DHDH: variants seen among roughly 807,000 people sequenced by gnomAD.
DHDH encodes trans-1,2-dihydrobenzene-1,2-diol dehydrogenase.
A neutral mutation model predicts 33.2 loss-of-function variants in DHDH; 29 were observed. The ratio of observed to expected loss-of-function variants is 0.87; its 90% CI spans 0.65 to 1.19. The LOEUF (loss-of-function observed/expected upper bound fraction) is 1.19. Among genes scored for constraint, DHDH ranks in the 50% most tolerant of loss-of-function variants. The pLI, the probability that DHDH is intolerant of heterozygous loss-of-function variation, is 0.00. For synonymous variants in DHDH, 201 were observed against 187.9 expected, an observed-to-expected ratio of 1.07 and a Z score of -0.57; for missense variants, 431 against 455.0, an observed-to-expected ratio of 0.95 and a Z score of 0.48.
Position 48,942,538 on chromosome 19 carries a change from G to A in DHDH, c.718G>A (p.Val240Met), listed in dbSNP as rs140363616. Reference protein sequence around the residue: ...ITVQLSNTASVSGTKGMVQLL... With the variant: ...ITVQLSNTASMSGTKGMVQLL... ...CGTGCAGCTCTCCAACACGGCCTCC[G>A]TGAGCGGCACCAAGGGCATGGTACA... is the stretch of plus-strand genomic sequence containing the variant. Residue 240 changes from valine to methionine, a missense_variant, in exon 5 of 7, where the codon GTG becomes ATG. Val to Met is a conservative substitution (Grantham distance 21). Transcript: ENST00000221403. 5.6e-5 allele frequency: 90 copies of A among 1,613,590 alleles called. No homozygotes were observed. The highest frequency in any genetic ancestry group is 5.3e-4 in the African/African-American group (40 of 74,924).
chr19:48,944,347 C>T lies in DHDH; in HGVS notation c.745-10C>T, dbSNP rs370021014. Reference sequence around the variant, plus strand: ...TGAAGGCAGCAGTGCCACTTCTTCTCTCCCTCCAGCTCCTCAACCCCTGCT... The same window carrying T: ...TGAAGGCAGCAGTGCCACTTCTTCTTTCCCTCCAGCTCCTCAACCCCTGCT... On this transcript the variant is annotated splice_polypyrimidine_tract_variant and intron_variant, in intron 5 of 6. Transcript: ENST00000221403. 23 of 1,613,576 alleles carry T rather than the reference C, an allele frequency of 1.4e-5. 1 individual carries two copies. The Admixed American group carries it at 3.8e-4, about 27-fold the overall frequency.
intron 1 of DHDH, among the ~76,000 whole-genome samples, 158 bp from the exon 2 acceptor site, chr19:48,934,842 A>T (rs1018164730): frequency 3.9e-5 from 6 of 152,040 alleles, no homozygotes; most frequent in African/African-American, 1.2e-4. Flanking sequence ...TTTCCCCCAG[A>T]TCTCTCTTTC....
At position 48,940,540 on chromosome 19, in the gene DHDH, AC is replaced by A. The variant is rs1048027842; in HGVS notation, c.619+840del. Reference sequence around the variant, plus strand: ...TACATTCAGCCGCAAAAAAAAAAAAACATAACACTACCCCAAAACTTAGTGA... The same window carrying A: ...TACATTCAGCCGCAAAAAAAAAAAAAATAACACTACCCCAAAACTTAGTGA... On this transcript the variant is annotated intron_variant, in intron 4 of 6. Coordinates refer to ENST00000221403, the MANE Select transcript of DHDH (RefSeq NM_014475.4). 4.1e-3 allele frequency among the ~76,000 whole-genome samples: 626 copies of A among 151,198 alleles called. 2 individuals carry two copies. Among genetic ancestry groups the A allele is most frequent in the Non-Finnish European group, 5.2e-3 (349 of 67,678 alleles).
chr19:48,939,616 C>T lies in DHDH; in HGVS notation c.534C>T (p.Gly178=), dbSNP rs1297733936. Residue 178 remains glycine (G), a synonymous_variant, in exon 4 of 7, where the codon GGC becomes GGT. Transcript: ENST00000221403. The stretch of plus-strand genomic sequence containing the variant: ...CTGGGGGGGCCCTGCTGGACATCGG[C>T]ATCTACTGTGTCCAGTTCACCTCCA... The part of the protein sequence containing the change: ...AQAGGALLDI[G]IYCVQFTSMV... 1 of 1,614,118 alleles carries T rather than the reference C, an allele frequency of 6.2e-7. No homozygotes were observed. Among genetic ancestry groups the T allele is most frequent in the African/African-American group, 1.3e-5 (1 of 75,036 alleles).
At chr19:48,940,613 G>A (rs1204885711) in intron 4 of DHDH, among the ~76,000 whole-genome samples, 1 of 152,092 alleles carries the variant, frequency 6.6e-6, no homozygotes, top group Non-Finnish European at 1.5e-5. Flanking sequence ...CAGCACTTTG[G>A]GAGGCTGAGG....
At chr19:48,934,412 T>G (rs761753702) in intron 1 of DHDH, among the ~76,000 whole-genome samples, 4 of 151,606 alleles carry the variant, frequency 2.6e-5, no homozygotes, top group Non-Finnish European at 4.4e-5. Context: ...TGAGGAGGAG[T>G]AGTGAAAGAG....
At chr19:48,937,116 G>A (rs1384498685) in intron 3 of DHDH, among the ~76,000 whole-genome samples, 2 of 151,964 alleles carry the variant, frequency 1.3e-5, no homozygotes, top group East Asian at 2.0e-4. Flanking sequence ...AATCCTATCC[G>A]CCAGGACCCC....
Position 48,934,947 on chromosome 19 carries a change from C to A in DHDH, c.91-53C>A. 5 of 1,420,770 alleles carry A rather than the reference C, an allele frequency of 3.5e-6. No individual in the cohort carries two copies. In the South Asian group the frequency reaches 7.0e-5, roughly 20 times the overall value. 88.0% of individuals were successfully genotyped at this position (1,420,770 alleles called of 1,614,324 possible). A position where few individuals can be genotyped will look rare whatever the true frequency, so the allele number is the denominator to read the frequency against. On this transcript the variant is annotated intron_variant, in intron 1 of 6. Transcript: ENST00000221403. Reference sequence around the variant, plus strand: ...GCCTCCTCCTTTGCCTCCCTTCCACCCAGTTTCCACGCCTGCCTCAGCCCC... The same window carrying A: ...GCCTCCTCCTTTGCCTCCCTTCCACACAGTTTCCACGCCTGCCTCAGCCCC...
At chr19:48,938,857 CAGGCTGGTCTCTTGGCT>C (rs1405216169) in intron 3 of DHDH, among the ~76,000 whole-genome samples, 4 of 152,124 alleles carry the variant, frequency 2.6e-5, no homozygotes, top group African/African-American at 9.7e-5. Flanking sequence ...CCGTGTTGGC[CAGGCTGGTCTCTTGGCT>C]AGGCTGGTCT....
At chr19:48,943,877 C>T (rs181808934) in intron 5 of DHDH, among the ~76,000 whole-genome samples, 95 of 151,806 alleles carry the variant, frequency 6.3e-4, no homozygotes, top group African/African-American at 2.2e-3. Context: ...CACCTGTAAT[C>T]CCAGCTACTC....
chr19:48,937,551 GCCT>G (rs1308318625), intron 3 of DHDH, among the ~76,000 whole-genome samples: 10 of 152,012 alleles, frequency 6.6e-5, no homozygotes, highest in Non-Finnish European at 1.5e-5. Flanking sequence ...GGTGGCTCAC[GCCT>G]GTAATCCCAG....
chr19:48,942,410 A>G, intron 4 of DHDH, 30 bp from the exon 5 acceptor site: 1 of 1,574,606 alleles, frequency 6.4e-7, no homozygotes, highest in Non-Finnish European at 8.7e-7. Flanking sequence ...GCCCTGAGAG[A>G]CCCTGCCCTG....
In DHDH at chr19:48,933,797, C is replaced by G; in HGVS notation, c.76C>G (p.Arg26Gly). 1 of 1,610,676 alleles carries G rather than the reference C, an allele frequency of 6.2e-7. No homozygotes were observed. Among genetic ancestry groups the G allele is most frequent in the African/African-American group, 1.3e-5 (1 of 75,050 alleles). Residue 26 changes from arginine to glycine, a missense_variant, in exon 1 of 7, where the codon CGC (arginine) becomes GGC (glycine). Transcript: ENST00000221403. ...CACAGCCGTGCTGCAGACGCTGCCT[C>G]GCTCTGAGCACCAGGTCTGCCCGCC... ...DFTAVLQTLP[R>G]SEHQVVAVAA...
rs185803946 is a variant in DHDH, at chr19:48,942,322, C to T, written c.620-118C>T. 1.7e-4 allele frequency: 199 copies of T among 1,180,180 alleles called. 1 individual carries two copies. The East Asian group carries it at 4.9e-3, about 29-fold the overall frequency. The allele number at this position is 1,180,180 out of a possible 1,614,324, so 73.1% of individuals were successfully genotyped here. The stretch of plus-strand genomic sequence containing the variant: ...ACCAGCCAGCACTTCATTCTTTTGC[C>T]TTGCCATGCAAGAAGTGAAGTCTCT... On this transcript the variant is annotated intron_variant, in intron 4 of 6. Transcript: ENST00000221403.
At position 48,942,573 on chromosome 19, in the gene DHDH, T is replaced by C. The variant is rs982879057; in HGVS notation, c.744+9T>C. 1.9e-6 allele frequency: 3 copies of C among 1,608,912 alleles called. No individual in the cohort carries two copies. The African/African-American group carries it at 4.0e-5, about 22-fold the overall frequency. The stretch of plus-strand genomic sequence containing the variant: ...CCAAGGGCATGGTACAGGTGAGGCA[T>C]GGCGGGCCCAAGCGCTGGGGATCGT... On this transcript the variant is annotated intron_variant, in intron 5 of 6. Transcript: ENST00000221403.
rs755396974 is a variant in DHDH at position 48,933,739 on chromosome 19, CA to C, written c.19del (p.Ile7SerfsTer33). 1.9e-6 allele frequency: 3 copies of C among 1,613,448 alleles called. No homozygotes were observed. Among genetic ancestry groups the C allele is most frequent in the Admixed American group, 3.3e-5 (2 of 60,020 alleles). The part of the protein sequence containing the change: MALRWG[I>X]VSVGLISSDF... ...TCGCAACCATGGCGCTGCGCTGGGG[CA>C]TCGTGTCTGTCGGCCTCATCTCCAG... On this transcript the variant is annotated frameshift_variant, in exon 1 of 7. Coordinates refer to ENST00000221403, the MANE Select transcript of DHDH (RefSeq NM_014475.4). LOFTEE classifies it high-confidence loss of function.
chr19:48,935,121 G>A lies in DHDH; in HGVS notation c.202+10G>A, dbSNP rs539679335. ...AAGGACCCGAGCGTGGGTGAGTGGCGAGGGCGATGGGGGTGCTGGCCGCCG... is the reference window on the plus strand; with the variant it reads ...AAGGACCCGAGCGTGGGTGAGTGGCAAGGGCGATGGGGGTGCTGGCCGCCG... On this transcript the variant is annotated intron_variant, in intron 2 of 6. Coordinates refer to ENST00000221403, the MANE Select transcript of DHDH (RefSeq NM_014475.4). 7.8e-6 allele frequency: 12 copies of A among 1,540,534 alleles called. No individual in the cohort carries two copies. The highest frequency in any genetic ancestry group is 4.0e-5 in the Admixed American group (2 of 49,800).
chr19:48,942,028 G>GTGT (rs1568598164), intron 4 of DHDH, among the ~76,000 whole-genome samples: 10 of 145,928 alleles, frequency 6.9e-5, no homozygotes, highest in African/African-American at 2.5e-4. Context: ...GTGTGTGTGT[G>GTGT]ATGGAGTCTC....
intron 3 of DHDH, among the ~76,000 whole-genome samples, chr19:48,936,719 A>C (rs141965124): frequency 0.013 from 1,967 of 151,504 alleles, 30 homozygotes; most frequent in Middle Eastern, 0.048. Flanking sequence ...AACAAACAAA[A>C]AAAAAAACAA....
Sources: allele counts gnomAD v4.1 joint callset (sites outside exome capture counted in the v4.1 genomes callset), GRCh38; gene constraint gnomAD v4.1.1; transcripts MANE v1.5; gene names NCBI Gene and HGNC (gene_info 2026-07-23, HGNC 2026-07-21).